The following HKDC1 variants were observed in gnomAD, a reference collection of about 807,000 sequenced individuals.
HKDC1 encodes hexokinase HKDC1.
HKDC1 carries 66 observed loss-of-function variants against 96.6 expected under a neutral mutation model. The observed-to-expected ratio is 0.68, with a 90% CI of 0.56 to 0.84. The LOEUF (loss-of-function observed/expected upper bound fraction) is 0.84. Among genes scored for constraint, HKDC1 ranks in the 40% least tolerant of loss-of-function variants. The pLI is 0.00. For missense variants in HKDC1, 1,211 were observed against 1,208.1 expected (o/e 1.00, Z -0.04); for synonymous variants, 466 against 473.1 (o/e 0.98, Z 0.20).
At chr10:69,242,462 A>T (rs903373827) in intron 6 of HKDC1, among the ~76,000 whole-genome samples, 2 of 147,712 alleles carry the variant, frequency 1.4e-5, no homozygotes, top group African/African-American at 5.0e-5. Flanking sequence ...CCGAAAATTC[A>T]AACAGCTTTA....
At chr10:69,245,570 C>CAATAATAATAATAATAATAAT (rs10646729) in intron 7 of HKDC1, among the ~76,000 whole-genome samples, 5 of 139,390 alleles carry the variant, frequency 3.6e-5, no homozygotes, top group Non-Finnish European at 4.6e-5. Context: ...ATCCTGTCTC[C>CAATAATAATAATAATAATAAT]AATAATAATA....
At chr10:69,256,209 A>G (rs954848763) in intron 12 of HKDC1, among the ~76,000 whole-genome samples, 2 of 152,208 alleles carry the variant, frequency 1.3e-5, no homozygotes, top group Non-Finnish European at 2.9e-5. Context: ...AGTGTGTGGA[A>G]AACACCTTTC....
chr10:69,266,624 T>C lies in HKDC1; in HGVS notation c.2621T>C (p.Leu874Ser). 1 of 1,614,076 alleles carries C rather than the reference T, an allele frequency of 6.2e-7. No individual in the cohort carries two copies. The highest frequency in any genetic ancestry group is 8.5e-7 in the Non-Finnish European group (1 of 1,179,970). ...YKLHPHFSRI[L>S]QETVKELAPR... Reference sequence around the variant, plus strand: ...CTTTTTCATAGCTTTTCTAGAATATTGCAGGAAACTGTGAAGGAACTAGCC... The same window carrying C: ...CTTTTTCATAGCTTTTCTAGAATATCGCAGGAAACTGTGAAGGAACTAGCC... Residue 874 changes from leucine (L) to serine (S), a missense_variant, in exon 18 of 18, where the codon TTG becomes TCG. By Grantham distance (145) the Leu-to-Ser change is moderately radical (BLOSUM62 -2). Transcript: ENST00000354624.
At chr10:69,240,609 C>T (rs761501630) in intron 5 of HKDC1, 43 bp from the exon 6 acceptor site, 2 of 1,542,502 alleles carry the variant, frequency 1.3e-6, no homozygotes, top group Admixed American at 3.4e-5. Context: ...AGGGAAACAC[C>T]TCCTTCCCAC....
Position 69,248,443 on chromosome 10 carries a change from A to C in HKDC1, c.1285A>C (p.Lys429Gln), listed in dbSNP as rs1321797206. The C allele has an allele frequency of 6.3e-7, 1 of 1,576,174 alleles. No individual in the cohort carries two copies. Among genetic ancestry groups the C allele is most frequent in the African/African-American group, 1.3e-5 (1 of 74,080 alleles). ...CTTCAGGTACCCAAAACGCCTGCACAAGGTGGTGAGGAAACTGGTCCCAAG... is the reference window on the plus strand; with the variant it reads ...CTTCAGGTACCCAAAACGCCTGCACCAGGTGGTGAGGAAACTGGTCCCAAG... ...IHPQYPKRLH[K>Q]VVRKLVPSCD... is the part of the protein sequence containing the mutation. Residue 429 changes from lysine to glutamine, a missense_variant, in exon 10 of 18, where the codon AAG becomes CAG. Physicochemically the swap from Lys to Gln is moderately conservative, Grantham distance 53. Coordinates refer to ENST00000354624, the MANE Select transcript of HKDC1 (RefSeq NM_025130.4).
chr10:69,253,480 TA>T (rs1272935769), intron 12 of HKDC1, among the ~76,000 whole-genome samples: 3 of 152,234 alleles, frequency 2.0e-5, no homozygotes, highest in South Asian at 2.1e-4. Context: ...GCTCTGGGGT[TA>T]TGGGCTCCTG....
intron 5 of HKDC1, among the ~76,000 whole-genome samples, chr10:69,239,904 G>A (rs542671213): frequency 6.6e-6 from 1 of 151,786 alleles, no homozygotes; most frequent in South Asian, 2.1e-4. Context: ...ATAGGCATAA[G>A]CCACATGCCT....
At chr10:69,261,969 C>A (rs1843816955) in intron 16 of HKDC1, 1 of 280,462 alleles carries the variant, frequency 3.6e-6, no homozygotes, top group African/African-American at 2.3e-5. Flanking sequence ...TAGTTAGACC[C>A]AGATGCTTAA....
intron 16 of HKDC1, among the ~76,000 whole-genome samples, chr10:69,261,846 A>C (rs1843815230): frequency 6.6e-6 from 1 of 152,148 alleles, no homozygotes; most frequent in African/African-American, 2.4e-5. Context: ...TTTCCCTTGC[A>C]ATGTATTTGT....
chr10:69,249,868 C>T (rs377461503), intron 10 of HKDC1, among the ~76,000 whole-genome samples: 7 of 152,138 alleles, frequency 4.6e-5, no homozygotes, highest in East Asian at 3.9e-4. Flanking sequence ...TTGGGGCTCC[C>T]GAGAAGGCTG....
At chr10:69,236,764 G>A (rs1438891667) in intron 4 of HKDC1, among the ~76,000 whole-genome samples, 1 of 141,678 alleles carries the variant, frequency 7.1e-6, no homozygotes, top group Non-Finnish European at 1.5e-5. Context: ...TGGGCAACAA[G>A]AGTGAAACTT....
At chr10:69,247,755 C>T (rs1364351472) in intron 9 of HKDC1, among the ~76,000 whole-genome samples, 162 bp downstream of exon 9, 1 of 152,224 alleles carries the variant, frequency 6.6e-6, no homozygotes, top group Non-Finnish European at 1.5e-5. Flanking sequence ...CTGCATTCAT[C>T]TAGCTGGCTG....
chr10:69,266,478 A>AAAAAC, intron 17 of HKDC1, 132 bp from the exon 18 acceptor site: 1 of 942,794 alleles, frequency 1.1e-6, no homozygotes, highest in Non-Finnish European at 1.5e-6. Flanking sequence ...AAAAAAAAAA[A>AAAAAC]TTAGAAGAAG....
intron 14 of HKDC1, among the ~76,000 whole-genome samples, chr10:69,258,376 A>C (rs897853342): frequency 6.6e-6 from 1 of 152,168 alleles, no homozygotes; most frequent in African/African-American, 2.4e-5. Context: ...TTGCTTGTCC[A>C]AGACTAGATG....
At position 69,220,434 on chromosome 10, in the gene HKDC1, A is replaced by C. The variant is rs764863408; in HGVS notation, c.-2A>C. ...TCTCAGGAGAAACCAAACTTGGGGAAAATGTTTGCGGTCCACTTGATGGCA... is the reference window on the plus strand; with the variant it reads ...TCTCAGGAGAAACCAAACTTGGGGACAATGTTTGCGGTCCACTTGATGGCA... On this transcript the variant is annotated 5_prime_UTR_variant, in exon 1 of 18. Coordinates refer to ENST00000354624, the MANE Select transcript of HKDC1 (RefSeq NM_025130.4). 1 of 1,598,974 alleles carries C rather than the reference A, an allele frequency of 6.3e-7. No individual in the cohort carries two copies. The highest frequency in any genetic ancestry group is 8.5e-7 in the Non-Finnish European group (1 of 1,173,326).
rs1456877089 is a variant in HKDC1, at chr10:69,238,367, TC to T, written c.496-674del. Among the ~76,000 whole-genome samples, 5 of 26,250 alleles carry T rather than the reference TC, an allele frequency of 1.9e-4. 1 individual carries two copies. Among genetic ancestry groups the T allele is most frequent in the African/African-American group, 5.1e-4 (5 of 9,754 alleles). The allele number at this position is 26,250 out of a possible 152,430, so 17.2% of individuals were successfully genotyped here. On this transcript the variant is annotated intron_variant, in intron 4 of 17. Coordinates refer to ENST00000354624, the MANE Select transcript of HKDC1 (RefSeq NM_025130.4). ...TGCATGTATAATACACCAGGTATTT[TC>T]TTTTTTTTTTTTTTTTTTTGAGACG...
chr10:69,234,832 T>C (rs1451546856), intron 4 of HKDC1, among the ~76,000 whole-genome samples: 2 of 152,288 alleles, frequency 1.3e-5, no homozygotes, highest in African/African-American at 4.8e-5. Flanking sequence ...AGGTGCTTGA[T>C]AACTATCTCA....
intron 7 of HKDC1, among the ~76,000 whole-genome samples, chr10:69,244,997 G>A (rs1025038832): frequency 1.4e-4 from 22 of 152,104 alleles, no homozygotes; most frequent in Non-Finnish European, 5.9e-5. Context: ...TGCCTTCTGG[G>A]TTCAAGCAAT....
At position 69,258,810 on chromosome 10, in the gene HKDC1, G is replaced by A. The variant is rs1330694702; in HGVS notation, c.2067G>A (p.Met689Ile). The change falls in exon 15 of 18, where the codon ATG becomes ATA. Residue 689 changes from methionine to isoleucine, a missense_variant. Transcript: ENST00000354624. ...TGSNMCYMED[M>I]RNIEMVEGGE... is the part of the protein sequence containing the mutation. ...GCAACATGTGCTACATGGAGGACAT[G>A]AGGAACATCGAGATGGTGGAGGGGG... 4 of 1,614,022 alleles carry A rather than the reference G, an allele frequency of 2.5e-6. No homozygotes were observed. The highest frequency in any genetic ancestry group is 1.3e-5 in the African/African-American group (1 of 74,912).
Sources: gnomAD v4.1 joint callset for allele counts (sites outside exome capture counted in the v4.1 genomes callset) on GRCh38, gnomAD v4.1.1 for gene constraint, MANE v1.5 for transcripts, NCBI Gene and HGNC (gene_info 2026-07-23, HGNC 2026-07-21) for gene names.